The following NELL2 variants were observed in gnomAD, a reference collection of about 807,000 sequenced individuals.
NELL2 encodes the protein neural EGFL like 2, also known as protein kinase C-binding protein NELL2.
In NELL2, 41 loss-of-function variants were observed where a neutral mutation model predicts 109.6. The observed-to-expected ratio is 0.37, with a 90% CI of 0.29 to 0.49. The LOEUF (loss-of-function observed/expected upper bound fraction) is 0.49. Among genes scored for constraint, NELL2 ranks in the 20% least tolerant of loss-of-function variants. The pLI is 0.98. For synonymous variants in NELL2, 355 were observed against 344.7 expected (o/e 1.03, Z -0.33); for missense variants, 900 against 1,008.3 (o/e 0.89, Z 1.45).
At chr12:44,525,464 T>A (rs981776596) in intron 16 of NELL2, among the ~76,000 whole-genome samples, 3 of 152,204 alleles carry the variant, frequency 2.0e-5, no homozygotes, top group Admixed American at 1.3e-4. Flanking sequence ...TTTGAGTTAG[T>A]TTGAACTCAG....
chr12:44,637,003 T>G (rs966794689), intron 13 of NELL2, among the ~76,000 whole-genome samples: 2 of 152,110 alleles, frequency 1.3e-5, no homozygotes, highest in African/African-American at 4.8e-5. Context: ...GTCCAGGAAT[T>G]TATCCACTTC....
intron 15 of NELL2, among the ~76,000 whole-genome samples, chr12:44,585,819 TG>T (rs1206036662): frequency 2.6e-5 from 4 of 151,944 alleles, no homozygotes; most frequent in Non-Finnish European, 5.9e-5. Context: ...GTCTGGCGGC[TG>T]GGGGCAAGAG....
At position 44,573,962 on chromosome 12, in the gene NELL2, G is replaced by A. The variant is rs557429802; in HGVS notation, c.1663+33207C>T. ...GGAGCATTCCTGTCTTGGATTAGGTGTTACCCACTAAGAGAGTTCTTGGAC... is the reference window on the plus strand; with the variant it reads ...GGAGCATTCCTGTCTTGGATTAGGTATTACCCACTAAGAGAGTTCTTGGAC... On this transcript the variant is annotated intron_variant, in intron 15 of 19. Coordinates refer to ENST00000429094, the MANE Select transcript of NELL2 (RefSeq NM_001145108.2). Among the ~76,000 whole-genome samples the A allele has an allele frequency of 4.9e-3, 752 of 152,264 alleles. 7 individuals are homozygous for A. Among genetic ancestry groups the A allele is most frequent in the African/African-American group, 0.015 (643 of 41,554 alleles).
At chr12:44,778,041 G>A (rs1318940337) in intron 5 of NELL2, among the ~76,000 whole-genome samples, 1 of 152,088 alleles carries the variant, frequency 6.6e-6, no homozygotes, top group African/African-American at 2.4e-5. Flanking sequence ...GCTCAGAAAT[G>A]ATCTATCAGA....
Position 44,875,272 on chromosome 12 carries a change from C to A in NELL2, c.137G>T (p.Arg46Leu). 6.2e-7 allele frequency: 1 copy of A among 1,614,086 alleles called. No homozygotes were observed. The highest frequency in any genetic ancestry group is 2.2e-5 in the East Asian group (1 of 44,868). The change falls in exon 2 of 20, where the codon CGT (arginine) becomes CTT (leucine). Residue 46 changes from arginine to leucine, a missense_variant. Arg to Leu is a moderately radical substitution (Grantham distance 102). This residue lies in a region of NELL2 where 200 missense variants were observed against 191.8 expected (regional missense o/e 1.04). Coordinates refer to ENST00000429094, the MANE Select transcript of NELL2 (RefSeq NM_001145108.2). ...CCCATTATGCAGCCCCGGGACCTGA[C>A]GCACTCCGGTCGTGGACTCCCCAAG... ...LELGESTTGV[R>L]QVPGLHNGTK... is the part of the protein sequence containing the mutation.
chr12:44,731,461 A>T (rs1048277754), intron 9 of NELL2, among the ~76,000 whole-genome samples: 1 of 152,130 alleles, frequency 6.6e-6, no homozygotes, highest in Non-Finnish European at 1.5e-5. Context: ...AACCAATATG[A>T]TACACCATGT....
chr12:44,521,136 A>C (rs1941507264), intron 18 of NELL2, among the ~76,000 whole-genome samples: 1 of 152,126 alleles, frequency 6.6e-6, no homozygotes, highest in African/African-American at 2.4e-5. Context: ...TTATCAAGTC[A>C]TTACTTTCTT....
At chr12:44,684,891 T>C (rs1948661114) in intron 12 of NELL2, among the ~76,000 whole-genome samples, 1 of 152,176 alleles carries the variant, frequency 6.6e-6, no homozygotes, top group Admixed American at 6.5e-5. Context: ...AAATGTATAT[T>C]CTGTTGATTT....
chr12:44,902,839 T>C (rs947646867), intron 1 of NELL2, among the ~76,000 whole-genome samples: 3 of 152,182 alleles, frequency 2.0e-5, no homozygotes, highest in Non-Finnish European at 1.5e-5. Flanking sequence ...TTGGGAAAAC[T>C]GGCTAGCCAT....
chr12:44,710,657 T>G lies in NELL2; in HGVS notation c.1189+635A>C, dbSNP rs191174600. ...ATTCACTGCCTTCTGGGGTGGCCTG[T>G]TGCATTTTTGAATAGCACAAATTTT... On this transcript the variant is annotated intron_variant, in intron 11 of 19. Transcript: ENST00000429094. 2.6e-3 allele frequency among the ~76,000 whole-genome samples: 400 copies of G among 152,276 alleles called. 4 individuals carry two copies. Among genetic ancestry groups the G allele is most frequent in the African/African-American group, 8.7e-3 (362 of 41,574 alleles).
At chr12:44,558,563 G>A (rs1943342480) in intron 15 of NELL2, among the ~76,000 whole-genome samples, 1 of 152,186 alleles carries the variant, frequency 6.6e-6, no homozygotes, top group Non-Finnish European at 1.5e-5. Context: ...CATCTGGGAA[G>A]TGCAAGGGGT....
chr12:44,523,938 T>C (rs1941652575), intron 16 of NELL2, among the ~76,000 whole-genome samples: 2 of 152,122 alleles, frequency 1.3e-5, no homozygotes, highest in Non-Finnish European at 2.9e-5. Context: ...CCCTGCAGCA[T>C]TTTATGCAAT....
chr12:44,711,446 A>C, intron 10 of NELL2, 52 bp from the exon 11 acceptor site: 2 of 1,492,946 alleles, frequency 1.3e-6, no homozygotes, highest in Non-Finnish European at 1.9e-6. Context: ...AGGACTTGTT[A>C]AGAAGTTTCC....
At chr12:44,634,833 T>A (rs1009443066) in intron 13 of NELL2, among the ~76,000 whole-genome samples, 1 of 152,124 alleles carries the variant, frequency 6.6e-6, no homozygotes, top group Non-Finnish European at 1.5e-5. Flanking sequence ...CTCTAGAATA[T>A]GTTGTTTCCT....
At chr12:44,886,338 C>T (rs1945473699) in intron 1 of NELL2, among the ~76,000 whole-genome samples, 1 of 151,814 alleles carries the variant, frequency 6.6e-6, no homozygotes, top group Admixed American at 6.6e-5. Flanking sequence ...AGAAATTATA[C>T]TTCATCAAAA....
chr12:44,528,224 T>A (rs192947309), intron 16 of NELL2, among the ~76,000 whole-genome samples: 23 of 151,994 alleles, frequency 1.5e-4, no homozygotes, highest in Admixed American at 7.2e-4. Flanking sequence ...AGAAGAGTTT[T>A]TTTTTGTTGT....
At chr12:44,648,661 A>C (rs1465611412) in intron 13 of NELL2, among the ~76,000 whole-genome samples, 1 of 151,012 alleles carries the variant, frequency 6.6e-6, no homozygotes, top group African/African-American at 2.4e-5. Context: ...TCAGGTAAAA[A>C]AAATGAAGGC....
chr12:44,692,381 G>C (rs1206970712), intron 12 of NELL2, among the ~76,000 whole-genome samples: 4 of 152,080 alleles, frequency 2.6e-5, no homozygotes, highest in Admixed American at 2.6e-4. Context: ...GTGGCCCATT[G>C]ACAATGTACT....
At chr12:44,834,872 C>T (rs1293562017) in intron 2 of NELL2, among the ~76,000 whole-genome samples, 2 of 152,114 alleles carry the variant, frequency 1.3e-5, no homozygotes, top group African/African-American at 4.8e-5. Flanking sequence ...GGGCTGGACA[C>T]GCGGGCAGTC....
Sources: allele counts gnomAD v4.1 joint callset (sites outside exome capture counted in the v4.1 genomes callset), GRCh38; gene constraint gnomAD v4.1.1; regional missense constraint gnomAD v4.1.1; transcripts MANE v1.5; gene names NCBI Gene and HGNC (gene_info 2026-07-23, HGNC 2026-07-21).